MAPK10: variants seen among roughly 807,000 people sequenced by gnomAD.
MAPK10 encodes mitogen-activated protein kinase 10.
A neutral mutation model predicts 59.3 loss-of-function variants in MAPK10; 25 were observed. That is an observed-to-expected ratio of 0.42 (90% CI 0.31 to 0.59). The LOEUF (loss-of-function observed/expected upper bound fraction) is 0.59, where lower values mean the gene tolerates loss of function less well. MAPK10 is among the 20% of genes least tolerant of loss of function. The pLI, the probability that MAPK10 is intolerant of heterozygous loss-of-function variation, is 0.15. For missense variants in MAPK10, 351 were observed against 568.9 expected, an observed-to-expected ratio of 0.62 and a Z score of 3.90; for synonymous variants, 190 against 200.5, an observed-to-expected ratio of 0.95 and a Z score of 0.44.
At chr4:86,115,934 A>G (rs4613557) in intron 4 of MAPK10, among the ~76,000 whole-genome samples, 27,048 of 152,190 alleles carry the variant, frequency 0.18, 2,515 homozygotes, top group African/African-American at 0.21. Context: ...TCACCTACCA[A>G]TGGCAGCACA....
chr4:86,046,841 G>A (rs1560954671), intron 11 of MAPK10, among the ~76,000 whole-genome samples: 1 of 151,976 alleles, frequency 6.6e-6, no homozygotes, highest in South Asian at 2.1e-4. Flanking sequence ...GACTACTAAG[G>A]GCCAGACAGT....
intron 2 of MAPK10, among the ~76,000 whole-genome samples, chr4:86,260,804 A>G (rs1337220404): frequency 6.6e-6 from 1 of 152,170 alleles, no homozygotes; most frequent in African/African-American, 2.4e-5. Flanking sequence ...CCACTATAAT[A>G]TGAATTATAG....
intron 1 of MAPK10, among the ~76,000 whole-genome samples, chr4:86,374,153 A>G (rs554127929): frequency 1.8e-4 from 27 of 152,186 alleles, no homozygotes; most frequent in Non-Finnish European, 3.7e-4. Context: ...AAACTAACAC[A>G]GGAACAGAAA....
chr4:86,520,307 A>AT (rs1189344166), intron 1 of MAPK10, among the ~76,000 whole-genome samples: 12 of 151,954 alleles, frequency 7.9e-5, no homozygotes, highest in Admixed American at 6.6e-4. Flanking sequence ...GCTTTGTTCA[A>AT]TTTTTTTGCT....
At chr4:86,325,815 CAAAGA>C (rs1578278138) in intron 2 of MAPK10, 1 of 151,996 alleles carries the variant, frequency 6.6e-6, no homozygotes, top group East Asian at 1.9e-4. Flanking sequence ...AAATTATACA[CAAAGA>C]AAATAATATT....
rs117205327 is a variant in MAPK10 at position 86,247,605 on chromosome 4, A to G, written c.-6-53198T>C. On this transcript the variant is annotated intron_variant, in intron 2 of 13. Coordinates refer to ENST00000641462, the MANE Select transcript of MAPK10 (RefSeq NM_138982.4). ...AAGACACATAAATCAACAAATTACC[A>G]TAATAGGTGATGGTGCTATAATAGA... Among the ~76,000 whole-genome samples the G allele has an allele frequency of 2.5e-3, 380 of 152,142 alleles. 4 individuals carry two copies. The highest frequency in any genetic ancestry group is 0.022 in the Admixed American group (343 of 15,288).
intron 1 of MAPK10, among the ~76,000 whole-genome samples, chr4:86,439,249 A>G (rs1324106989): frequency 6.6e-6 from 1 of 152,088 alleles, no homozygotes; most frequent in Non-Finnish European, 1.5e-5. Context: ...AAGTTTCCTC[A>G]TGGTGCACCT....
intron 2 of MAPK10, among the ~76,000 whole-genome samples, chr4:86,343,904 T>A (rs1415945072): frequency 1.3e-5 from 2 of 152,208 alleles, no homozygotes; most frequent in Non-Finnish European, 2.9e-5. Context: ...ACTATTTATG[T>A]TAACATGTAA....
chr4:86,331,727 T>C (rs115948128), intron 2 of MAPK10, among the ~76,000 whole-genome samples: 1,757 of 152,294 alleles, frequency 0.012, 21 homozygotes, highest in Non-Finnish European at 0.018. Context: ...AGTCACTGAA[T>C]TCTTTTAACA....
At chr4:86,386,806 G>A (rs1295783093) in intron 1 of MAPK10, among the ~76,000 whole-genome samples, 1 of 152,108 alleles carries the variant, frequency 6.6e-6, no homozygotes, top group African/African-American at 2.4e-5. Context: ...AAACTTGGAG[G>A]CTTACATCTT....
rs752986934 is a variant in MAPK10, at chr4:86,159,413, T to G, written c.121A>C (p.Lys41Gln). Residue 41 changes from lysine to glutamine, a missense_variant, in exon 4 of 14, where the codon AAA becomes CAA. This residue lies in a region of MAPK10 where 61 missense variants were observed against 58.4 expected (regional missense o/e 1.05). Transcript: ENST00000641462. ...TAGAACTGGTTGTCAACTTTGCTTT[T>G]GCTCATGTTGTAATGTTTGGCAATA... ...SYIAKHYNMSKSKVDNQFYSV... is the reference protein window; with the variant it reads ...SYIAKHYNMSQSKVDNQFYSV... 4.2e-5 allele frequency: 68 copies of G among 1,612,558 alleles called. No homozygotes were observed. The Admixed American group carries it at 8.7e-4, about 21-fold the overall frequency.
At chr4:86,088,101 C>T (rs1294223069) in intron 9 of MAPK10, among the ~76,000 whole-genome samples, 1 of 152,140 alleles carries the variant, frequency 6.6e-6, no homozygotes, top group Admixed American at 6.5e-5. Context: ...GGACCCATGA[C>T]ACATCCATAT....
chr4:86,402,832 A>G (rs1379846662), intron 1 of MAPK10, among the ~76,000 whole-genome samples: 1 of 152,198 alleles, frequency 6.6e-6, no homozygotes, highest in Non-Finnish European at 1.5e-5. Flanking sequence ...CAGCCTTAGC[A>G]TCTCTGTCAG....
intron 11 of MAPK10, among the ~76,000 whole-genome samples, chr4:86,063,399 TA>T (rs1367968934): frequency 6.6e-6 from 1 of 152,094 alleles, no homozygotes; most frequent in Non-Finnish European, 1.5e-5. Context: ...AGGTATTATG[TA>T]AAAAAATATG....
chr4:86,522,237 T>G (rs929272528), intron 1 of MAPK10, among the ~76,000 whole-genome samples: 2 of 152,176 alleles, frequency 1.3e-5, no homozygotes, highest in African/African-American at 4.8e-5. Flanking sequence ...TTGATGGCAA[T>G]TAAAGAGTCA....
At chr4:86,114,069 A>G (rs1391236599) in intron 4 of MAPK10, among the ~76,000 whole-genome samples, 2 of 152,196 alleles carry the variant, frequency 1.3e-5, no homozygotes, top group African/African-American at 4.8e-5. Flanking sequence ...CCATCAGGTC[A>G]TTTATGTTCC....
rs2094922329 is a variant in MAPK10, at chr4:86,284,270, T to G, written c.-7+70260A>C. On this transcript the variant is annotated intron_variant, in intron 2 of 13. Transcript: ENST00000641462. The stretch of plus-strand genomic sequence containing the variant: ...AGTAATTTGCCCAAGAACACAAAGC[T>G]GTGGTAGAGGAAGAACTTGCATTCT... 2.0e-5 allele frequency among the ~76,000 whole-genome samples: 3 copies of G among 152,174 alleles called. No individual in the cohort carries two copies. In the South Asian group the frequency reaches 6.2e-4, roughly 31 times the overall value.
chr4:86,191,327 C>A (rs2079711329), intron 3 of MAPK10, among the ~76,000 whole-genome samples: 1 of 152,020 alleles, frequency 6.6e-6, no homozygotes, highest in Non-Finnish European at 1.5e-5. Flanking sequence ...GTTGATCTGT[C>A]TAATATTGAC....
rs181928570 is a variant in MAPK10 at position 86,484,483 on chromosome 4, G to A, written c.-263+109427C>T. On this transcript the variant is annotated intron_variant, in intron 1 of 4. Coordinates refer to the MAPK10 transcript ENST00000502302. ...TTATGGAGGCCAACTGACTAGGCTTGAATTCCTTGATACTTTACTTGCTTT... is the reference window on the plus strand; with the variant it reads ...TTATGGAGGCCAACTGACTAGGCTTAAATTCCTTGATACTTTACTTGCTTT... Among the ~76,000 whole-genome samples the A allele has an allele frequency of 2.0e-5, 3 of 152,244 alleles. No individual in the cohort carries two copies. The East Asian group carries it at 5.8e-4, about 29-fold the overall frequency.
Sources: gnomAD v4.1 joint callset for allele counts (sites outside exome capture counted in the v4.1 genomes callset) on GRCh38, gnomAD v4.1.1 for gene constraint, gnomAD v4.1.1 regional missense constraint, MANE v1.5 for transcripts, NCBI Gene and HGNC (gene_info 2026-07-23, HGNC 2026-07-21) for gene names.